PEAK1: variants seen among roughly 807,000 people sequenced by gnomAD.
PEAK1 encodes inactive tyrosine-protein kinase PEAK1.
PEAK1 carries 54 observed loss-of-function variants against 124.7 expected under a neutral mutation model. The observed-to-expected ratio is 0.43, with a 90% CI of 0.35 to 0.54. The LOEUF (loss-of-function observed/expected upper bound fraction) is 0.54, where lower values mean the gene tolerates loss of function less well. PEAK1 is among the 20% of genes least tolerant of loss of function. The pLI is 0.01. For missense variants in PEAK1, 2,046 were observed against 2,134.5 expected, an observed-to-expected ratio of 0.96 and a Z score of 0.82; for synonymous variants, 719 against 760.0, an observed-to-expected ratio of 0.95 and a Z score of 0.89.
At chr15:77,235,391 C>A (rs1459692570) in intron 6 of PEAK1, among the ~76,000 whole-genome samples, 1 of 152,024 alleles carries the variant, frequency 6.6e-6, no homozygotes, top group Admixed American at 6.6e-5. Context: ...ACAATTAAGT[C>A]CAGGCTGAGG....
chr15:77,306,561 T>C (rs140591432), intron 2 of PEAK1, among the ~76,000 whole-genome samples: 11 of 152,296 alleles, frequency 7.2e-5, no homozygotes, highest in African/African-American at 2.6e-4. Flanking sequence ...TGATAAAATT[T>C]GGCATTTACG....
Position 77,181,179 on chromosome 15 carries a change from C to T in PEAK1, c.748G>A (p.Glu250Lys), listed in dbSNP as rs1305071238. The change falls in exon 7 of 10, where the codon GAG becomes AAG. Residue 250 changes from glutamate (E) to lysine (K), a missense_variant. Glu to Lys is a moderately conservative substitution (Grantham distance 56). Transcript: ENST00000682557. ...TCTTCATCACTCTCATCCCAACTCT[C>T]GTGCTCCTCCTCCATGTTACTGAAA... is the stretch of plus-strand genomic sequence containing the variant. ...VLFSNMEEEH[E>K]SWDESDEELL... 5 of 1,614,130 alleles carry T rather than the reference C, an allele frequency of 3.1e-6. No individual in the cohort carries two copies. Among genetic ancestry groups the T allele is most frequent in the South Asian group, 1.1e-5 (1 of 91,082 alleles).
chr15:77,294,911 T>C (rs1426291683), intron 2 of PEAK1, among the ~76,000 whole-genome samples: 1 of 152,176 alleles, frequency 6.6e-6, no homozygotes, highest in Non-Finnish European at 1.5e-5. Flanking sequence ...ATATGATATA[T>C]ACAATTTAAA....
At chr15:77,378,940 G>A (rs899288158) in intron 1 of PEAK1, among the ~76,000 whole-genome samples, 4 of 152,080 alleles carry the variant, frequency 2.6e-5, no homozygotes, top group African/African-American at 7.2e-5. Context: ...GATTTTGCTC[G>A]CCACCCCTAT....
At chr15:77,305,719 T>C (rs2064064401) in intron 2 of PEAK1, among the ~76,000 whole-genome samples, 1 of 152,176 alleles carries the variant, frequency 6.6e-6, no homozygotes, top group African/African-American at 2.4e-5. Flanking sequence ...CTGTGAACAC[T>C]AAAATCTGCA....
intron 1 of PEAK1, chr15:77,418,042 A>G: frequency 3.1e-6 from 3 of 981,880 alleles, no homozygotes; most frequent in Non-Finnish European, 3.6e-6. Context: ...GCAAACAGTT[A>G]TGAAGTGGCA....
chr15:77,148,845 C>T (rs1451429788), intron 8 of PEAK1, among the ~76,000 whole-genome samples: 1 of 152,062 alleles, frequency 6.6e-6, no homozygotes, highest in Non-Finnish European at 1.5e-5. Flanking sequence ...CTGCTTAAGC[C>T]CAGGAGTTTG....
chr15:77,308,611 T>TAG (rs2152998792), intron 2 of PEAK1, among the ~76,000 whole-genome samples: 1 of 152,238 alleles, frequency 6.6e-6, no homozygotes, highest in Admixed American at 6.5e-5. Context: ...GATATTTCAT[T>TAG]ACTTTTCTGA....
chr15:77,206,413 C>T, intron 6 of PEAK1, among the ~76,000 whole-genome samples: 1 of 146,958 alleles, frequency 6.8e-6, no homozygotes, highest in Non-Finnish European at 1.5e-5. Flanking sequence ...CTGACTTCCA[C>T]AATGGTTGAA....
intron 6 of PEAK1, among the ~76,000 whole-genome samples, chr15:77,192,041 C>T (rs1345208356): frequency 3.9e-5 from 6 of 152,108 alleles, no homozygotes; most frequent in Admixed American, 6.6e-5. Flanking sequence ...AGATGATGTC[C>T]GAATGGAAAT....
intron 6 of PEAK1, among the ~76,000 whole-genome samples, chr15:77,196,337 G>A (rs185764618): frequency 5.1e-4 from 77 of 152,244 alleles, no homozygotes; most frequent in Admixed American, 5.0e-3. Flanking sequence ...GGTAGGTCTC[G>A]GAATCCTACT....
At chr15:77,147,317 T>C (rs760110697) in intron 8 of PEAK1, among the ~76,000 whole-genome samples, 2 of 152,208 alleles carry the variant, frequency 1.3e-5, no homozygotes, top group African/African-American at 2.4e-5. Flanking sequence ...TAGTACCTAC[T>C]GTGTGTTTTA....
At chr15:77,152,429 T>A (rs62008367) in intron 8 of PEAK1, among the ~76,000 whole-genome samples, 1 of 152,062 alleles carries the variant, frequency 6.6e-6, no homozygotes, top group Non-Finnish European at 1.5e-5. Context: ...TCATGTCATC[T>A]GCAAACAGGG....
chr15:77,293,874 C>T (rs1280667060), intron 2 of PEAK1, among the ~76,000 whole-genome samples: 4 of 152,036 alleles, frequency 2.6e-5, no homozygotes, highest in South Asian at 4.2e-4. Context: ...TATTTTATTT[C>T]CCCCCAAACA....
rs536553135 is a variant in PEAK1 at position 77,385,102 on chromosome 15, A to G, written c.-665-19877T>C. 7.8e-4 allele frequency among the ~76,000 whole-genome samples: 119 copies of G among 152,310 alleles called. 1 individual carries two copies. The highest frequency in any genetic ancestry group is 2.8e-3 in the African/African-American group (115 of 41,580). On this transcript the variant is annotated intron_variant, in intron 1 of 9. Transcript: ENST00000682557. ...AAATACTGAGTTGATTCAGCAACTC[A>G]GGTGAACCTAAAATCTTCTCAGATT...
At chr15:77,336,322 G>C in intron 2 of PEAK1, 1 of 985,382 alleles carries the variant, frequency 1.0e-6, no homozygotes, top group Non-Finnish European at 1.2e-6. Context: ...CTTGCAACGA[G>C]GGCTCACCCT....
chr15:77,346,110 C>T lies in PEAK1; in HGVS notation c.-603+19053G>A, dbSNP rs892969644. On this transcript the variant is annotated intron_variant, in intron 2 of 9. Transcript: ENST00000682557. The stretch of plus-strand genomic sequence containing the variant: ...ACTATGCCATAAACCAAAGTTCCAA[C>T]CAAGAGTCAAAGCTATATTTTATAG... 14 of 985,248 alleles carry T rather than the reference C, an allele frequency of 1.4e-5. 1 individual carries two copies. The South Asian group carries it at 6.6e-4, about 46-fold the overall frequency. The allele number at this position is 985,248 out of a possible 1,614,324, so 61.0% of individuals were successfully genotyped here.
Position 77,302,258 on chromosome 15 carries a change from T to A in PEAK1, c.-602-15754A>T, listed in dbSNP as rs180726308. Reference sequence around the variant, plus strand: ...TTGCTTCTAGTACACATTGACTTAGTGTACATTGTAAATATGTACACTAAC... The same window carrying A: ...TTGCTTCTAGTACACATTGACTTAGAGTACATTGTAAATATGTACACTAAC... On this transcript the variant is annotated intron_variant, in intron 2 of 9. Coordinates refer to ENST00000682557, the MANE Select transcript of PEAK1 (RefSeq NM_001385026.1). Among the ~76,000 whole-genome samples, 9 of 152,326 alleles carry A rather than the reference T, an allele frequency of 5.9e-5. No homozygotes were observed. In the East Asian group the frequency reaches 1.7e-3, roughly 29 times the overall value.
At chr15:77,119,273 A>G (rs2051691728) in intron 9 of PEAK1, among the ~76,000 whole-genome samples, 1 of 152,246 alleles carries the variant, frequency 6.6e-6, no homozygotes, top group South Asian at 2.1e-4. Context: ...GAGGAACATC[A>G]AAAGGGACAG....
Sources: allele counts gnomAD v4.1 joint callset (sites outside exome capture counted in the v4.1 genomes callset), GRCh38; gene constraint gnomAD v4.1.1; transcripts MANE v1.5; gene names NCBI Gene and HGNC (gene_info 2026-07-23, HGNC 2026-07-21).